The following LRRC4C variants were observed in gnomAD, a reference collection of about 807,000 sequenced individuals.
LRRC4C encodes the protein leucine-rich repeat-containing protein 4C.
In LRRC4C, 5 loss-of-function variants were observed where a neutral mutation model predicts 33.6. That is an observed-to-expected ratio of 0.15 (90% CI 0.08 to 0.31). LRRC4C has a LOEUF of 0.31. Ranked by LOEUF, LRRC4C falls within the 10% of genes least tolerant of loss-of-function variation. The probability of loss-of-function intolerance (pLI) is 1.00; values close to 1 mark genes in which losing one functional copy is unlikely to be tolerated. For missense variants in LRRC4C, 560 were observed against 796.7 expected (o/e 0.70, Z 3.58); for synonymous variants, 329 against 302.0 (o/e 1.09, Z -0.93).
At chr11:41,368,166 G>A (rs1048582503) in intron 1 of LRRC4C, among the ~76,000 whole-genome samples, 5 of 152,070 alleles carry the variant, frequency 3.3e-5, no homozygotes, top group East Asian at 3.9e-4. Flanking sequence ...GGCAAATTTC[G>A]TTTCCTTTGT....
At chr11:41,262,462 G>A (rs554582976) in intron 1 of LRRC4C, among the ~76,000 whole-genome samples, 2 of 151,016 alleles carry the variant, frequency 1.3e-5, no homozygotes, top group East Asian at 3.9e-4. Context: ...AACAGGGAAC[G>A]CTTCTACGTA....
intron 1 of LRRC4C, among the ~76,000 whole-genome samples, chr11:41,234,563 C>T (rs989862223): frequency 4.6e-5 from 7 of 151,872 alleles, no homozygotes; most frequent in East Asian, 3.9e-4. Context: ...GTAAAATAAA[C>T]GATGAAAAGT....
intron 2 of LRRC4C, among the ~76,000 whole-genome samples, chr11:40,742,901 G>A (rs1460003456): frequency 1.3e-5 from 2 of 151,948 alleles, no homozygotes; most frequent in Non-Finnish European, 2.9e-5. Context: ...AGAAACTCCT[G>A]CCTGTCACCA....
intron 3 of LRRC4C, among the ~76,000 whole-genome samples, chr11:40,419,045 G>T (rs1391832793): frequency 6.6e-6 from 1 of 151,918 alleles, no homozygotes; most frequent in Non-Finnish European, 1.5e-5. Context: ...CTAGGTGATG[G>T]GTTGATAGGT....
At chr11:40,662,997 T>C (rs1422889535) in intron 2 of LRRC4C, among the ~76,000 whole-genome samples, 1 of 152,232 alleles carries the variant, frequency 6.6e-6, no homozygotes, top group Non-Finnish European at 1.5e-5. Context: ...TTAAATTATA[T>C]CTCCTAGAAA....
intron 1 of LRRC4C, among the ~76,000 whole-genome samples, chr11:41,377,684 T>C (rs1358195024): frequency 6.6e-6 from 1 of 152,156 alleles, no homozygotes; most frequent in Admixed American, 6.6e-5. Context: ...ATACACAATA[T>C]TGAAACTGGC....
intron 3 of LRRC4C, chr11:40,445,879 T>C (rs1951612707): frequency 6.6e-6 from 1 of 152,270 alleles, no homozygotes. Flanking sequence ...GGGGACTGCC[T>C]TCAAACAGGA....
intron 2 of LRRC4C, among the ~76,000 whole-genome samples, chr11:40,864,619 C>T (rs1485402989): frequency 6.6e-6 from 1 of 152,196 alleles, no homozygotes; most frequent in African/African-American, 2.4e-5. Flanking sequence ...CTCACCTGCT[C>T]TTATTGTGTG....
At chr11:41,131,653 A>G (rs1943018686) in intron 1 of LRRC4C, among the ~76,000 whole-genome samples, 1 of 152,110 alleles carries the variant, frequency 6.6e-6, no homozygotes, top group Non-Finnish European at 1.5e-5. Flanking sequence ...CCAGGAGGTT[A>G]GGCATTCTTA....
intron 5 of LRRC4C, among the ~76,000 whole-genome samples, chr11:40,156,132 C>T (rs1415828109): frequency 1.3e-5 from 2 of 152,094 alleles, no homozygotes; most frequent in Non-Finnish European, 2.9e-5. Flanking sequence ...GCAGAAAAAG[C>T]ATTTGACAAA....
intron 3 of LRRC4C, among the ~76,000 whole-genome samples, chr11:40,599,833 T>G (rs901765863): frequency 1.3e-5 from 2 of 152,082 alleles, no homozygotes; most frequent in African/African-American, 4.8e-5. Context: ...GAAATGGAAA[T>G]GTAGGGCAGA....
At chr11:40,117,118 C>T (rs1037269665) in intron 6 of LRRC4C, among the ~76,000 whole-genome samples, 6 of 152,198 alleles carry the variant, frequency 3.9e-5, no homozygotes, top group Non-Finnish European at 1.5e-5. Flanking sequence ...AAGTATAAAT[C>T]AGGGCTCAGA....
chr11:41,106,877 A>G (rs1271004242), intron 1 of LRRC4C, among the ~76,000 whole-genome samples: 1 of 151,772 alleles, frequency 6.6e-6, no homozygotes, highest in Non-Finnish European at 1.5e-5. Context: ...AAAAATAGAC[A>G]TGGTGGTGTT....
rs114713165 is a variant in LRRC4C at position 40,448,036 on chromosome 11, C to T, written c.-269-128315G>A. On this transcript the variant is annotated intron_variant, in intron 3 of 6. Coordinates refer to ENST00000528697, the MANE Select transcript of LRRC4C (RefSeq NM_001258419.2). ...TTCACCATGTTGGCCAAGCTGGTCT[C>T]GAACTCCTGACCGCCTACCTCAGTC... Among the ~76,000 whole-genome samples, 898 of 152,074 alleles carry T rather than the reference C, an allele frequency of 5.9e-3. 7 individuals are homozygous for T. Among genetic ancestry groups the T allele is most frequent in the African/African-American group, 0.021 (860 of 41,454 alleles).
intron 1 of LRRC4C, among the ~76,000 whole-genome samples, chr11:41,201,242 T>C (rs183711828): frequency 6.6e-6 from 1 of 152,298 alleles, no homozygotes; most frequent in East Asian, 1.9e-4. Context: ...ACATGTGCAG[T>C]GTACGAGTCT....
At chr11:40,290,242 T>C (rs978688848) in intron 4 of LRRC4C, among the ~76,000 whole-genome samples, 1 of 152,274 alleles carries the variant, frequency 6.6e-6, no homozygotes, top group East Asian at 1.9e-4. Context: ...TCATTCCATG[T>C]CTACAAATGC....
chr11:40,624,972 T>C, intron 3 of LRRC4C, among the ~76,000 whole-genome samples: 1 of 152,250 alleles, frequency 6.6e-6, no homozygotes, highest in Non-Finnish European at 1.5e-5. Context: ...ATAATAATGA[T>C]CATAATAAAT....
chr11:40,311,943 C>CA (rs368014390), intron 4 of LRRC4C, among the ~76,000 whole-genome samples: 15,534 of 61,394 alleles, frequency 0.25, 1,899 homozygotes, highest in Admixed American at 0.33. Flanking sequence ...GACTCTGTCT[C>CA]AAAAAAAAAA....
chr11:41,448,304 CTTTT>C (rs35728528), intron 1 of LRRC4C, among the ~76,000 whole-genome samples: 2 of 104,938 alleles, frequency 1.9e-5, no homozygotes, highest in Admixed American at 1.1e-4. Flanking sequence ...TTACATAGAG[CTTTT>C]TTTTTTTTTT....
Sources: allele counts gnomAD v4.1 joint callset (sites outside exome capture counted in the v4.1 genomes callset), GRCh38; gene constraint gnomAD v4.1.1; transcripts MANE v1.5; gene names NCBI Gene and HGNC (gene_info 2026-07-23, HGNC 2026-07-21).